Variants in DLC1 observed in about 807,000 individuals in gnomAD.
DLC1 encodes the protein rho GTPase-activating protein 7.
Under a neutral mutation model 140.3 loss-of-function variants are expected in DLC1, and 54 were observed. The ratio of observed to expected loss-of-function variants is 0.38; its 90% CI spans 0.31 to 0.48. The LOEUF is 0.48. DLC1 is among the 20% of genes least tolerant of loss of function. The probability of loss-of-function intolerance (pLI) is 0.96; values close to 1 mark genes in which losing one functional copy is unlikely to be tolerated. For missense variants in DLC1, 2,536 were observed against 1,907.0 expected (o/e 1.33, Z -6.14); for synonymous variants, 986 against 728.1 (o/e 1.35, Z -5.70).
exon 1 of DLC1, chr8:13,604,569 G>A (rs1488440052): frequency 2.0e-5 from 3 of 152,196 alleles, no homozygotes; most frequent in Admixed American, 6.5e-5. Flanking sequence ...CCAAAGCAGA[G>A]TAGAGCAGAT....
intron 5 of DLC1, among the ~76,000 whole-genome samples, chr8:13,216,617 A>G (rs573383224): frequency 9.2e-5 from 14 of 152,264 alleles, no homozygotes; most frequent in African/African-American, 3.4e-4. Flanking sequence ...GAGCTCCAGC[A>G]TGCAATCACC....
rs1563383524 is a variant in DLC1 at position 13,479,840 on chromosome 8, AG to A, written c.1023+19208del. On this transcript the variant is annotated intron_variant, in intron 2 of 17. Transcript: ENST00000276297. Reference sequence around the variant, plus strand: ...AAGAAGAAGAAGAAGAAGAAGAAGAAGAAGAAGAAGAAGAAGAAGAGAAAAA... The same window carrying A: ...AAGAAGAAGAAGAAGAAGAAGAAGAAAAGAAGAAGAAGAAGAAGAGAAAAA... Among the ~76,000 whole-genome samples the A allele has an allele frequency of 2.4e-3, 277 of 113,122 alleles. 6 individuals are homozygous for A. The highest frequency in any genetic ancestry group is 3.1e-3 in the Non-Finnish European group (169 of 54,598). The allele number at this position is 113,122 out of a possible 152,430, so 74.2% of individuals were successfully genotyped here. A position where few individuals can be genotyped will look rare whatever the true frequency, so the allele number is the denominator to read the frequency against.
chr8:13,143,846 G>GAGAGAGAGAGAGAGACAT (rs1476183797), intron 5 of DLC1, among the ~76,000 whole-genome samples: 1 of 148,388 alleles, frequency 6.7e-6, no homozygotes, highest in Non-Finnish European at 1.5e-5. Context: ...GAGAGAGAGA[G>GAGAGAGAGAGAGAGACAT]AGAGAGACAT....
intron 4 of DLC1, among the ~76,000 whole-genome samples, chr8:13,309,809 C>G (rs1832598070): frequency 6.6e-6 from 1 of 152,166 alleles, no homozygotes; most frequent in Non-Finnish European, 1.5e-5. Flanking sequence ...GACATCATAT[C>G]TGAATCCATG....
At chr8:13,183,169 T>C (rs1826139442) in intron 5 of DLC1, among the ~76,000 whole-genome samples, 1 of 152,202 alleles carries the variant, frequency 6.6e-6, no homozygotes, top group Non-Finnish European at 1.5e-5. Context: ...TGATTTTGTA[T>C]CCTGAGACTT....
intron 2 of DLC1, among the ~76,000 whole-genome samples, chr8:13,452,648 A>G (rs954621913): frequency 6.6e-6 from 1 of 152,186 alleles, no homozygotes; most frequent in Non-Finnish European, 1.5e-5. Flanking sequence ...TTAGAATTAA[A>G]ATATGTTTTT....
chr8:13,132,462 C>G (rs955189264), intron 5 of DLC1, among the ~76,000 whole-genome samples: 1 of 152,022 alleles, frequency 6.6e-6, no homozygotes, highest in African/African-American at 2.4e-5. Context: ...CCACTAGGGT[C>G]TAAAATGTTC....
intron 2 of DLC1, among the ~76,000 whole-genome samples, chr8:13,423,511 T>C (rs1838412894): frequency 1.3e-5 from 2 of 152,126 alleles, no homozygotes; most frequent in Admixed American, 6.6e-5. Flanking sequence ...ATTCTTAGTA[T>C]TGAAGAAAGA....
At chr8:13,226,402 TAC>T (rs1303940237) in intron 5 of DLC1, among the ~76,000 whole-genome samples, 2 of 152,196 alleles carry the variant, frequency 1.3e-5, no homozygotes, top group African/African-American at 4.8e-5. Flanking sequence ...CATAGCATTT[TAC>T]AGAGATCTAT....
chr8:13,305,605 A>G (rs974960681), intron 4 of DLC1, among the ~76,000 whole-genome samples: 24 of 152,196 alleles, frequency 1.6e-4, no homozygotes, highest in African/African-American at 5.8e-4. Context: ...TGGGAGGCAG[A>G]GACAGGCGGA....
At chr8:13,576,710 C>T (rs12546022) in intron 1 of DLC1, among the ~76,000 whole-genome samples, 11,336 of 152,132 alleles carry the variant, frequency 0.075, 665 homozygotes, top group Admixed American at 0.18. Context: ...GTGAGTGTGT[C>T]AAATGAATCT....
chr8:13,099,936 A>G lies in DLC1; in HGVS notation c.2401T>C (p.Tyr801His), dbSNP rs781037877. 4 of 1,613,582 alleles carry G rather than the reference A, an allele frequency of 2.5e-6. No individual in the cohort carries two copies. In the African/African-American group the frequency reaches 5.3e-5, roughly 22 times the overall value. ...VEQNFKNRES[Y>H]PEDTVFYIPE... Reference sequence around the variant, plus strand: ...ATGTAGAACACCGTGTCCTCTGGGTAGCTCTCGCGGTTCTTAAAGTTCTGC... The same window carrying G: ...ATGTAGAACACCGTGTCCTCTGGGTGGCTCTCGCGGTTCTTAAAGTTCTGC... The change falls in exon 9 of 18, where the codon TAC (tyrosine) becomes CAC (histidine). Residue 801 changes from tyrosine (Y) to histidine (H), a missense_variant. Tyr to His is a moderately conservative substitution (Grantham distance 83). Transcript: ENST00000276297.
chr8:13,094,727 T>C (rs368355412), intron 12 of DLC1, 32 bp downstream of exon 12: 19 of 1,612,528 alleles, frequency 1.2e-5, no homozygotes, highest in Middle Eastern at 1.6e-4. Context: ...TTTTCCCCAA[T>C]GCCAACAATC....
chr8:13,364,300 CTT>C (rs34178675), intron 4 of DLC1, among the ~76,000 whole-genome samples: 10,442 of 141,762 alleles, frequency 0.074, 475 homozygotes, highest in Middle Eastern at 0.11. Context: ...GGTAATGAAA[CTT>C]TTTTTTTTTT....
chr8:13,248,261 T>C (rs751737930), intron 5 of DLC1, among the ~76,000 whole-genome samples: 1 of 152,206 alleles, frequency 6.6e-6, no homozygotes, highest in Non-Finnish European at 1.5e-5. Flanking sequence ...ATATCCACAG[T>C]TTTTGCAGCA....
intron 5 of DLC1, among the ~76,000 whole-genome samples, chr8:13,297,596 C>G (rs911172345): frequency 1.3e-5 from 2 of 151,992 alleles, no homozygotes; most frequent in African/African-American, 4.8e-5. Context: ...CTGAATGAAA[C>G]AAAATTATGT....
At chr8:13,562,142 G>C (rs986199794) in intron 1 of DLC1, among the ~76,000 whole-genome samples, 1 of 151,742 alleles carries the variant, frequency 6.6e-6, no homozygotes, top group Non-Finnish European at 1.5e-5. Context: ...AGAAGTAATC[G>C]GGTCAATTTA....
chr8:13,319,605 C>T (rs1833005765), intron 4 of DLC1, among the ~76,000 whole-genome samples: 3 of 148,064 alleles, frequency 2.0e-5, no homozygotes, highest in Non-Finnish European at 4.5e-5. Context: ...ATGTAGGATG[C>T]GCCTGTTTCC....
At chr8:13,238,477 C>T (rs1563189098) in intron 5 of DLC1, among the ~76,000 whole-genome samples, 2 of 151,748 alleles carry the variant, frequency 1.3e-5, no homozygotes, top group Non-Finnish European at 2.9e-5. Context: ...CACGCCACTG[C>T]ACTCCAGCCT....
Sources: allele counts gnomAD v4.1 joint callset (sites outside exome capture counted in the v4.1 genomes callset), GRCh38; gene constraint gnomAD v4.1.1; transcripts MANE v1.5; gene names NCBI Gene and HGNC (gene_info 2026-07-23, HGNC 2026-07-21).